Variants in FBXL17 observed in about 807,000 individuals in gnomAD.
The protein encoded by FBXL17 is F-box/LRR-repeat protein 17.
In FBXL17, 22 loss-of-function variants were observed where a neutral mutation model predicts 66.2. The observed-to-expected ratio is 0.33, with a 90% CI of 0.24 to 0.47. FBXL17 has a LOEUF of 0.47. FBXL17 is among the 20% of genes least tolerant of loss of function. The probability of loss-of-function intolerance (pLI) is 1.00; values close to 1 mark genes in which losing one functional copy is unlikely to be tolerated. For synonymous variants in FBXL17, 474 were observed against 400.5 expected (o/e 1.18, Z -2.19); for missense variants, 878 against 948.2 (o/e 0.93, Z 0.97).
rs577663645 is a variant in FBXL17, at chr5:108,137,490, T to C, written c.1745+48627A>G. Among the ~76,000 whole-genome samples the C allele has an allele frequency of 3.9e-5, 6 of 152,222 alleles. No homozygotes were observed. In the South Asian group the frequency reaches 1.0e-3, roughly 26 times the overall value. Reference sequence around the variant, plus strand: ...AACACTGTGTTTTTGAATGTTGGCATGATCACCTATTAGTAATCATGCATG... The same window carrying C: ...AACACTGTGTTTTTGAATGTTGGCACGATCACCTATTAGTAATCATGCATG... On this transcript the variant is annotated intron_variant, in intron 6 of 8. Transcript: ENST00000542267.
intron 5 of FBXL17, among the ~76,000 whole-genome samples, chr5:108,200,847 G>A (rs1753863672): frequency 6.6e-6 from 1 of 152,174 alleles, no homozygotes; most frequent in South Asian, 2.1e-4. Flanking sequence ...GTCTGGGCTA[G>A]AGAGCAAACA....
At chr5:108,208,795 C>T (rs1455419272) in intron 5 of FBXL17, among the ~76,000 whole-genome samples, 2 of 152,104 alleles carry the variant, frequency 1.3e-5, no homozygotes, top group African/African-American at 2.4e-5. Context: ...GCTATAAGGG[C>T]TCTTTTTTGG....
At chr5:108,014,246 G>A (rs1754295330) in intron 7 of FBXL17, among the ~76,000 whole-genome samples, 2 of 151,988 alleles carry the variant, frequency 1.3e-5, no homozygotes, top group South Asian at 4.2e-4. Flanking sequence ...AGGAATTGAG[G>A]AAAGAAAAGA....
chr5:107,952,792 T>A (rs1215280092), intron 7 of FBXL17, among the ~76,000 whole-genome samples: 7 of 152,324 alleles, frequency 4.6e-5, no homozygotes, highest in Non-Finnish European at 5.9e-5. Flanking sequence ...ATGAATATAG[T>A]TTGGACTAAG....
rs567948172 is a variant in FBXL17, at chr5:108,313,374, C to T, written c.1506+35025G>A. Among the ~76,000 whole-genome samples the T allele has an allele frequency of 7.2e-5, 11 of 152,200 alleles. No individual in the cohort carries two copies. In the South Asian group the frequency reaches 1.4e-3, roughly 20 times the overall value. ...ATTTTAAAACAACAGCCCAAGCTGT[C>T]TTCAAAAAGCAGACACTTAAGGCCA... On this transcript the variant is annotated intron_variant, in intron 4 of 8. Transcript: ENST00000542267.
In FBXL17 at chr5:107,943,547, C is replaced by CTT. The variant is rs5870290; in HGVS notation, c.1823-62370_1823-62369dup. On this transcript the variant is annotated intron_variant, in intron 7 of 8. Transcript: ENST00000542267. ...TCATAGTCTTTGTTTAGAACCTCAT[C>CTT]TTTTTTTTTTTTTTCACCCAATCTA... is the stretch of plus-strand genomic sequence containing the variant. 2.5e-3 allele frequency among the ~76,000 whole-genome samples: 358 copies of CTT among 144,682 alleles called. 1 individual carries two copies. Among genetic ancestry groups the CTT allele is most frequent in the Admixed American group, 5.4e-3 (79 of 14,538 alleles). 94.9% of individuals were successfully genotyped at this position (144,682 alleles called of 152,430 possible).
chr5:108,106,076 A>ATG (rs1427400669), intron 6 of FBXL17, among the ~76,000 whole-genome samples: 23 of 152,292 alleles, frequency 1.5e-4, no homozygotes, highest in Admixed American at 7.2e-4. Context: ...TTCAAGCAGT[A>ATG]AGTGCTAAAC....
chr5:107,878,586 C>T, intron 8 of FBXL17: 1 of 981,896 alleles, frequency 1.0e-6, no homozygotes, highest in Non-Finnish European at 1.2e-6. Flanking sequence ...CATACCGTTG[C>T]TACTAATTTC....
intron 3 of FBXL17, among the ~76,000 whole-genome samples, chr5:108,358,164 A>G (rs1748119266): frequency 6.6e-6 from 1 of 152,070 alleles, no homozygotes; most frequent in South Asian, 2.1e-4. Context: ...ATTTGGAAGC[A>G]TTTTATTTCT....
chr5:107,917,606 A>T (rs990538045), intron 7 of FBXL17, among the ~76,000 whole-genome samples: 1 of 152,232 alleles, frequency 6.6e-6, no homozygotes, highest in African/African-American at 2.4e-5. Flanking sequence ...CTCATCTACT[A>T]TTTAGTCTGT....
At chr5:108,267,149 C>T (rs896963720) in intron 4 of FBXL17, among the ~76,000 whole-genome samples, 1 of 151,800 alleles carries the variant, frequency 6.6e-6, no homozygotes, top group African/African-American at 2.4e-5. Flanking sequence ...TAATGGATAT[C>T]ACTAAAAATT....
chr5:108,365,023 A>T, intron 2 of FBXL17, 28 bp from the exon 3 acceptor site: 1 of 1,542,852 alleles, frequency 6.5e-7, no homozygotes, highest in Non-Finnish European at 8.8e-7. Context: ...ATAAATTTAA[A>T]CTTTTGCTAA....
intron 6 of FBXL17, among the ~76,000 whole-genome samples, chr5:108,093,199 AT>A (rs1749249773): frequency 6.6e-6 from 1 of 152,098 alleles, no homozygotes; most frequent in African/African-American, 2.4e-5. Context: ...TTAGTTTACT[AT>A]TAAAAAATGC....
intron 7 of FBXL17, among the ~76,000 whole-genome samples, chr5:107,945,922 A>C (rs1751264349): frequency 6.6e-6 from 1 of 151,988 alleles, no homozygotes; most frequent in South Asian, 2.1e-4. Context: ...TAAGACAACC[A>C]TTTTTGGAGG....
At chr5:107,871,467 A>C (rs1470667174) in intron 8 of FBXL17, among the ~76,000 whole-genome samples, 2 of 152,216 alleles carry the variant, frequency 1.3e-5, no homozygotes, top group Non-Finnish European at 2.9e-5. Flanking sequence ...TGTCAGAGAG[A>C]AAAATTAGTG....
intron 4 of FBXL17, among the ~76,000 whole-genome samples, chr5:108,337,039 C>G (rs1760417124): frequency 6.6e-6 from 1 of 151,944 alleles, no homozygotes; most frequent in African/African-American, 2.4e-5. Context: ...AGGTGGATCA[C>G]AAGGTCAAGA....
At chr5:108,220,726 T>C (rs1048825331) in intron 5 of FBXL17, among the ~76,000 whole-genome samples, 108 of 152,354 alleles carry the variant, frequency 7.1e-4, no homozygotes, top group Admixed American at 9.2e-4. Flanking sequence ...ATGTTCCTTC[T>C]AGTCTCTTTA....
chr5:108,307,276 A>G (rs1758890612), intron 4 of FBXL17, among the ~76,000 whole-genome samples: 1 of 152,046 alleles, frequency 6.6e-6, no homozygotes, highest in South Asian at 2.1e-4. Context: ...CTAGGATGTT[A>G]ACTCTTTTGA....
intron 4 of FBXL17, chr5:108,298,572 G>C (rs1483281787): frequency 2.1e-6 from 2 of 954,994 alleles, no homozygotes; most frequent in East Asian, 2.3e-4. Context: ...CTGAGAGATG[G>C]GAAACAATGT....
Sources: gnomAD v4.1 joint callset for allele counts (sites outside exome capture counted in the v4.1 genomes callset) on GRCh38, gnomAD v4.1.1 for gene constraint, MANE v1.5 for transcripts, NCBI Gene and HGNC (gene_info 2026-07-23, HGNC 2026-07-21) for gene names.